NCKAP5: variants seen among roughly 807,000 people sequenced by gnomAD.
NCKAP5 encodes the protein nck-associated protein 5.
In NCKAP5, 92 loss-of-function variants were observed where a neutral mutation model predicts 167.0. The observed-to-expected ratio is 0.55, with a 90% confidence interval of 0.47 to 0.66. The LOEUF is 0.66. Among genes scored for constraint, NCKAP5 ranks in the 30% least tolerant of loss-of-function variants. The probability of loss-of-function intolerance (pLI) is 0.00; values close to 1 mark genes in which losing one functional copy is unlikely to be tolerated. For missense variants in NCKAP5, 2,378 were observed against 2,315.0 expected (o/e 1.03, Z -0.56); for synonymous variants, 891 against 877.4 (o/e 1.02, Z -0.27).
intron 4 of NCKAP5, among the ~76,000 whole-genome samples, chr2:133,228,702 A>G (rs953137004): frequency 6.6e-6 from 1 of 152,230 alleles, no homozygotes; most frequent in South Asian, 2.1e-4. Flanking sequence ...AACAAATCAG[A>G]AAGTATCTTT....
At chr2:133,304,864 G>A (rs1680666269) in intron 3 of NCKAP5, among the ~76,000 whole-genome samples, 1 of 152,186 alleles carries the variant, frequency 6.6e-6, no homozygotes, top group South Asian at 2.1e-4. Context: ...GTTTCATGTT[G>A]GTTACGTGCT....
chr2:133,644,801 C>G, the NCKAP5 span, among the ~76,000 whole-genome samples: 1 of 152,082 alleles, frequency 6.6e-6, no homozygotes, highest in Non-Finnish European at 1.5e-5. Flanking sequence ...GTATACATAA[C>G]AGATAATCAA....
chr2:132,884,270 C>T (rs1466747471), intron 8 of NCKAP5, among the ~76,000 whole-genome samples: 2 of 152,200 alleles, frequency 1.3e-5, no homozygotes, highest in African/African-American at 2.4e-5. Context: ...TTTTTAAGCA[C>T]AGTTATTGGT....
At chr2:133,463,649 G>A (rs552516081) in intron 3 of NCKAP5, among the ~76,000 whole-genome samples, 30 of 152,342 alleles carry the variant, frequency 2.0e-4, no homozygotes, top group African/African-American at 6.5e-4. Flanking sequence ...ACTTAAGTGG[G>A]CATCCAAGGC....
intron 4 of NCKAP5, among the ~76,000 whole-genome samples, chr2:133,289,321 T>C (rs1042166718): frequency 1.3e-5 from 2 of 152,334 alleles, no homozygotes; most frequent in African/African-American, 4.8e-5. Flanking sequence ...TTCATCTTTT[T>C]GCCTTTTTTT....
At chr2:132,950,424 A>T (rs1558980122) in intron 8 of NCKAP5, among the ~76,000 whole-genome samples, 1 of 152,178 alleles carries the variant, frequency 6.6e-6, no homozygotes, top group Non-Finnish European at 1.5e-5. Flanking sequence ...CATGGCTTAG[A>T]TTCCATGTGA....
chr2:133,405,946 C>T (rs1281009294), intron 3 of NCKAP5, among the ~76,000 whole-genome samples: 1 of 152,202 alleles, frequency 6.6e-6, no homozygotes, highest in Non-Finnish European at 1.5e-5. Context: ...AAATAGAAAA[C>T]ACAGGCAACT....
intron 3 of NCKAP5, among the ~76,000 whole-genome samples, chr2:133,392,721 A>G (rs970082689): frequency 6.6e-6 from 1 of 152,116 alleles, no homozygotes; most frequent in Admixed American, 6.5e-5. Flanking sequence ...TTCTATATCC[A>G]TTTATCCAAG....
At chr2:133,283,188 G>A (rs2089988138) in intron 4 of NCKAP5, among the ~76,000 whole-genome samples, 1 of 152,146 alleles carries the variant, frequency 6.6e-6, no homozygotes, top group Non-Finnish European at 1.5e-5. Context: ...TTAAAGAAGA[G>A]GAAGGGATGA....
chr2:133,625,129 G>A, the NCKAP5 span, among the ~76,000 whole-genome samples: 1 of 152,182 alleles, frequency 6.6e-6, no homozygotes, highest in Admixed American at 6.5e-5. Flanking sequence ...ACTATTGCAT[G>A]TGTATTGTGA....
chr2:132,947,011 C>T (rs956169172), intron 8 of NCKAP5, among the ~76,000 whole-genome samples: 3 of 152,146 alleles, frequency 2.0e-5, no homozygotes, highest in Admixed American at 6.5e-5. Flanking sequence ...GTTTCTTAAA[C>T]ATACATATAA....
At chr2:133,314,366 T>C (rs764553115) in intron 3 of NCKAP5, among the ~76,000 whole-genome samples, 10 of 152,160 alleles carry the variant, frequency 6.6e-5, no homozygotes, top group Non-Finnish European at 1.2e-4. Flanking sequence ...CTGAGTCACC[T>C]GGTGGGCTAG....
the NCKAP5 span, among the ~76,000 whole-genome samples, chr2:133,660,915 T>C: frequency 6.6e-6 from 1 of 151,548 alleles, no homozygotes; most frequent in Non-Finnish European, 1.5e-5. Context: ...ACCTGAATGA[T>C]TTGTATCACC....
At chr2:133,228,947 A>C (rs937750226) in intron 4 of NCKAP5, among the ~76,000 whole-genome samples, 1 of 152,216 alleles carries the variant, frequency 6.6e-6, no homozygotes. Flanking sequence ...AACAATGAGA[A>C]TCTTCAGAGG....
intron 7 of NCKAP5, among the ~76,000 whole-genome samples, chr2:132,968,299 C>G (rs2076728185): frequency 6.6e-6 from 1 of 152,100 alleles, no homozygotes; most frequent in Non-Finnish European, 1.5e-5. Flanking sequence ...AGCTAGGAGA[C>G]TAGTTGGAAA....
At chr2:133,070,104 G>T (rs2080338117) in intron 6 of NCKAP5, among the ~76,000 whole-genome samples, 1 of 152,154 alleles carries the variant, frequency 6.6e-6, no homozygotes, top group South Asian at 2.1e-4. Context: ...TGATATTCAT[G>T]TATGGAGTTT....
At chr2:133,592,021 C>T in the NCKAP5 span, among the ~76,000 whole-genome samples, 1 of 151,232 alleles carries the variant, frequency 6.6e-6, no homozygotes, top group Non-Finnish European at 1.5e-5. Flanking sequence ...CACACAAATG[C>T]ACGTTTATTC....
intron 4 of NCKAP5, among the ~76,000 whole-genome samples, chr2:133,252,136 T>G (rs1483485728): frequency 2.0e-5 from 3 of 152,234 alleles, no homozygotes; most frequent in Non-Finnish European, 4.4e-5. Context: ...GCATCATTAT[T>G]CAGAGGATGA....
intron 3 of NCKAP5, among the ~76,000 whole-genome samples, chr2:133,447,599 C>T (rs542033718): frequency 2.1e-4 from 30 of 145,646 alleles, no homozygotes; most frequent in Admixed American, 1.7e-3. Context: ...CGTTCCCTTC[C>T]TTTCCCCTTC....
Sources: allele counts gnomAD v4.1 joint callset (sites outside exome capture counted in the v4.1 genomes callset), GRCh38; gene constraint gnomAD v4.1.1; transcripts MANE v1.5; gene names NCBI Gene and HGNC (gene_info 2026-07-23, HGNC 2026-07-21).